PTPRD: variants seen among roughly 807,000 people sequenced by gnomAD.
PTPRD encodes receptor-type tyrosine-protein phosphatase delta.
Under a neutral mutation model 214.5 loss-of-function variants are expected in PTPRD, and 34 were observed. The ratio of observed to expected loss-of-function variants is 0.16; its 90% CI spans 0.12 to 0.21. The LOEUF is 0.21. Ranked by LOEUF, PTPRD falls within the 10% of genes least tolerant of loss-of-function variation. The pLI is 1.00. For synonymous variants in PTPRD, 1,128 were observed against 845.7 expected (o/e 1.33, Z -5.79); for missense variants, 2,545 against 2,398.7 (o/e 1.06, Z -1.27).
At chr9:8,507,223 T>C (rs2097560796) in intron 22 of PTPRD, 78 bp downstream of exon 22, 1 of 1,505,982 alleles carries the variant, frequency 6.6e-7, no homozygotes, top group Non-Finnish European at 9.0e-7. Flanking sequence ...TGACCAAGAA[T>C]GTGGATAAAT....
intron 3 of PTPRD, among the ~76,000 whole-genome samples, chr9:10,050,596 T>A (rs931408066): frequency 2.1e-5 from 2 of 97,306 alleles, no homozygotes. Flanking sequence ...AAAAAGACTA[T>A]GTCAATTTAA....
At chr9:9,599,254 AG>A (rs111492385) in intron 7 of PTPRD, among the ~76,000 whole-genome samples, 5 of 152,228 alleles carry the variant, frequency 3.3e-5, no homozygotes, top group African/African-American at 1.2e-4. Context: ...GTCATAAATT[AG>A]TAACTCTTCC....
intron 7 of PTPRD, among the ~76,000 whole-genome samples, chr9:9,621,239 T>C (rs1351330404): frequency 6.6e-6 from 1 of 152,214 alleles, no homozygotes; most frequent in East Asian, 1.9e-4. Flanking sequence ...CTATATATTA[T>C]CTAACAGTGG....
At position 10,557,992 on chromosome 9, in the gene PTPRD, A is replaced by C. The variant is rs368915803; in HGVS notation, c.-600+54406T>G. On this transcript the variant is annotated intron_variant, in intron 2 of 45. Transcript: ENST00000381196. ...CATGTGCTCTGTTGGAATCTTGTTG[A>C]AATTCTTAATACTACTGGAACAAAT... Among the ~76,000 whole-genome samples the C allele has an allele frequency of 6.6e-5, 10 of 152,278 alleles. No homozygotes were observed. In the South Asian group the frequency reaches 2.1e-3, roughly 32 times the overall value.
chr9:10,193,423 T>A (rs1205118970), intron 3 of PTPRD, among the ~76,000 whole-genome samples: 1 of 152,034 alleles, frequency 6.6e-6, no homozygotes, highest in Non-Finnish European at 1.5e-5. Context: ...AGTACAGACT[T>A]GCAGATTACC....
At chr9:8,352,234 C>T (rs1588412000) in intron 39 of PTPRD, among the ~76,000 whole-genome samples, 2 of 151,986 alleles carry the variant, frequency 1.3e-5, no homozygotes, top group South Asian at 2.1e-4. Context: ...AATGTGTTCG[C>T]GTAAAGAACA....
At position 9,779,078 on chromosome 9, in the gene PTPRD, C is replaced by CAAAAA. The variant is rs869120926; in HGVS notation, c.-367-12232_-367-12228dup. Among the ~76,000 whole-genome samples the CAAAAA allele has an allele frequency of 1.5e-3, 70 of 45,486 alleles. 12 individuals are homozygous for CAAAAA. Among genetic ancestry groups the CAAAAA allele is most frequent in the African/African-American group, 5.9e-3 (67 of 11,276 alleles). 29.8% of individuals were successfully genotyped at this position (45,486 alleles called of 152,430 possible). ...GCCATGTGATCTTTCATAAGACTGA[C>CAAAAA]AAAAAAAAAAAAAAAAAAAAAAAAA... is the stretch of plus-strand genomic sequence containing the variant. On this transcript the variant is annotated intron_variant, in intron 5 of 45. Transcript: ENST00000381196.
chr9:9,817,409 G>T (rs551624194), intron 5 of PTPRD, among the ~76,000 whole-genome samples: 16 of 152,246 alleles, frequency 1.1e-4, no homozygotes, highest in Non-Finnish European at 2.4e-4. Flanking sequence ...GTGGAAGTAA[G>T]TTGGTTATTT....
rs1026360028 is a variant in PTPRD, at chr9:10,434,973, G to A, written c.-599-93956C>T. Among the ~76,000 whole-genome samples the A allele has an allele frequency of 2.0e-5, 3 of 151,754 alleles. No individual in the cohort carries two copies. The Admixed American group carries it at 2.0e-4, about 10-fold the overall frequency. ...CTATGCTACCCCGAGCGCTGGACTA[G>A]GAATTGGTAGATGAGGAGGAAAACT... is the stretch of plus-strand genomic sequence containing the variant. On this transcript the variant is annotated intron_variant, in intron 2 of 45. Coordinates refer to ENST00000381196, the MANE Select transcript of PTPRD (RefSeq NM_002839.4).
At chr9:9,502,784 A>G (rs1480187854) in intron 8 of PTPRD, among the ~76,000 whole-genome samples, 1 of 151,932 alleles carries the variant, frequency 6.6e-6, no homozygotes, top group African/African-American at 2.4e-5. Context: ...ACATGTATAC[A>G]TCCTAAAAAC....
chr9:10,364,226 C>A (rs1269116543), intron 2 of PTPRD, among the ~76,000 whole-genome samples: 1 of 152,022 alleles, frequency 6.6e-6, no homozygotes, highest in Non-Finnish European at 1.5e-5. Flanking sequence ...TGGTCTCGAT[C>A]TCCTGACCTC....
chr9:8,713,772 GC>G (rs1435907233), intron 12 of PTPRD: 21 of 1,535,638 alleles, frequency 1.4e-5, no homozygotes, highest in African/African-American at 2.7e-5. Context: ...AGTTCCCGCT[GC>G]CCCACCGGGT....
chr9:9,797,243 GTTT>G (rs56375104), intron 5 of PTPRD, among the ~76,000 whole-genome samples: 14 of 98,062 alleles, frequency 1.4e-4, no homozygotes, highest in South Asian at 1.1e-3. Flanking sequence ...ATTTCAGGCA[GTTT>G]TTTTTTTTTT....
At chr9:9,925,662 C>T (rs974813032) in intron 5 of PTPRD, among the ~76,000 whole-genome samples, 4 of 151,996 alleles carry the variant, frequency 2.6e-5, no homozygotes, top group Non-Finnish European at 4.4e-5. Context: ...ACCTGCATAA[C>T]TAAACTGAGA....
intron 7 of PTPRD, among the ~76,000 whole-genome samples, chr9:9,709,298 A>C (rs1019323183): frequency 6.6e-6 from 1 of 152,088 alleles, no homozygotes. Context: ...TAATTTTAAT[A>C]AATGTTAAGA....
chr9:8,821,197 T>A (rs1351103621), intron 11 of PTPRD, among the ~76,000 whole-genome samples: 1 of 152,220 alleles, frequency 6.6e-6, no homozygotes, highest in Admixed American at 6.5e-5. Flanking sequence ...ACAATGGGAA[T>A]AAGAAAATTC....
Position 8,708,293 on chromosome 9 carries a change from A to T in PTPRD, c.64+25487T>A, listed in dbSNP as rs112451755. On this transcript the variant is annotated intron_variant, in intron 12 of 45. Coordinates refer to ENST00000381196, the MANE Select transcript of PTPRD (RefSeq NM_002839.4). ...GGTAGGTGTTGGTGAGGATGTGGAG[A>T]AAAGGGAACCCATACACGCTACTGG... Among the ~76,000 whole-genome samples the T allele has an allele frequency of 1.9e-3, 295 of 152,250 alleles. 9 individuals carry two copies. Among genetic ancestry groups the T allele is most frequent in the African/African-American group, 6.8e-3 (284 of 41,524 alleles).
intron 3 of PTPRD, among the ~76,000 whole-genome samples, chr9:10,311,356 G>A (rs1240101578): frequency 6.6e-6 from 1 of 151,998 alleles, no homozygotes; most frequent in Admixed American, 6.6e-5. Context: ...ACTAAAAAAT[G>A]TGAAAATCTA....
chr9:9,541,866 A>G (rs946665873), intron 8 of PTPRD, among the ~76,000 whole-genome samples: 24 of 151,908 alleles, frequency 1.6e-4, no homozygotes, highest in African/African-American at 5.1e-4. Context: ...CTGAGTAACT[A>G]TTGAATGTTG....
Sources: allele counts gnomAD v4.1 joint callset (sites outside exome capture counted in the v4.1 genomes callset), GRCh38; gene constraint gnomAD v4.1.1; transcripts MANE v1.5; gene names NCBI Gene and HGNC (gene_info 2026-07-23, HGNC 2026-07-21).